Variants in OPCML observed in about 807,000 individuals in gnomAD.
The protein encoded by OPCML is opioid-binding protein/cell adhesion molecule.
OPCML carries 13 observed loss-of-function variants against 37.8 expected under a neutral mutation model. The observed-to-expected ratio is 0.34, with a 90% CI of 0.22 to 0.55. OPCML has a LOEUF of 0.55. OPCML is among the 20% of genes least tolerant of loss of function. OPCML has a pLI of 0.91. For synonymous variants in OPCML, 176 were observed against 168.8 expected, an observed-to-expected ratio of 1.04 and a Z score of -0.33; for missense variants, 341 against 435.6, an observed-to-expected ratio of 0.78 and a Z score of 1.93.
At chr11:132,760,002 T>G (rs1005897323) in intron 2 of OPCML, among the ~76,000 whole-genome samples, 2 of 152,214 alleles carry the variant, frequency 1.3e-5, no homozygotes, top group African/African-American at 4.8e-5. Flanking sequence ...CTTGTGTCTT[T>G]GTTCTCATTG....
chr11:133,413,671 A>G (rs1385872428), intron 1 of OPCML, among the ~76,000 whole-genome samples: 1 of 152,092 alleles, frequency 6.6e-6, no homozygotes, highest in Non-Finnish European at 1.5e-5. Context: ...TTTAGCCTGC[A>G]TGTCTTTCCC....
intron 1 of OPCML, chr11:133,361,617 ACCTG>A (rs1565592917): frequency 1.2e-5 from 2 of 161,868 alleles, no homozygotes; most frequent in African/African-American, 4.9e-5. Context: ...ACTCCGGGGC[ACCTG>A]CAGCTATTCC....
At chr11:132,555,544 G>A (rs1012077399) in intron 3 of OPCML, among the ~76,000 whole-genome samples, 1 of 152,104 alleles carries the variant, frequency 6.6e-6, no homozygotes. Context: ...GATGAGATTT[G>A]GGTGGGGTCA....
At chr11:133,166,181 C>T (rs991535956) in intron 1 of OPCML, among the ~76,000 whole-genome samples, 1 of 152,128 alleles carries the variant, frequency 6.6e-6, no homozygotes, top group South Asian at 2.1e-4. Flanking sequence ...TAAGGAATGA[C>T]CAATGCCTAC....
chr11:132,548,073 A>C (rs1476960232), intron 3 of OPCML, among the ~76,000 whole-genome samples: 4 of 152,198 alleles, frequency 2.6e-5, no homozygotes, highest in Non-Finnish European at 5.9e-5. Context: ...GATTCAAAGC[A>C]AGAGAGTTTA....
intron 1 of OPCML, among the ~76,000 whole-genome samples, chr11:133,282,021 C>A (rs950088597): frequency 1.1e-3 from 154 of 141,228 alleles, no homozygotes; most frequent in East Asian, 4.6e-3. Context: ...ACAACAACAA[C>A]AACAAAAAAA....
At chr11:132,730,310 A>G (rs1945034738) in intron 2 of OPCML, among the ~76,000 whole-genome samples, 1 of 152,200 alleles carries the variant, frequency 6.6e-6, no homozygotes, top group Non-Finnish European at 1.5e-5. Context: ...GACATTCTTT[A>G]AGACCATGGC....
rs371384830 is a variant in OPCML, at chr11:132,436,641, G to A, written c.764+18C>T. ...TCAGCTCTGCTTCAGAACTGTCCAG[G>A]TGTCATTTAAAAGGTACCTGGTTTC... On this transcript the variant is annotated intron_variant, in intron 6 of 7. Transcript: ENST00000524381. The A allele has an allele frequency of 2.0e-5, 33 of 1,613,988 alleles. No homozygotes were observed. In the South Asian group the frequency reaches 3.4e-4, roughly 17 times the overall value.
At chr11:133,140,752 G>T (rs1320998179) in intron 1 of OPCML, among the ~76,000 whole-genome samples, 3 of 96,884 alleles carry the variant, frequency 3.1e-5, no homozygotes, top group African/African-American at 6.3e-5. Context: ...CGACGAGGAA[G>T]AAGAAGACGA....
chr11:133,414,383 C>T (rs960507572), intron 1 of OPCML, among the ~76,000 whole-genome samples: 7 of 152,132 alleles, frequency 4.6e-5, no homozygotes, highest in East Asian at 1.9e-4. Context: ...CTGAGATTTG[C>T]AGAAGTGTGT....
At chr11:133,279,300 T>C (rs1315348998) in intron 1 of OPCML, among the ~76,000 whole-genome samples, 1 of 152,182 alleles carries the variant, frequency 6.6e-6, no homozygotes, top group Non-Finnish European at 1.5e-5. Context: ...AGGTCATTTC[T>C]TTTTCAGGTC....
At chr11:132,500,652 T>C (rs556175585) in intron 4 of OPCML, among the ~76,000 whole-genome samples, 1 of 152,286 alleles carries the variant, frequency 6.6e-6, no homozygotes, top group Non-Finnish European at 1.5e-5. Flanking sequence ...GGTGGTTTGC[T>C]GCACCTATCA....
Position 133,391,948 on chromosome 11 carries a change from T to A in OPCML, c.61+140316A>T, listed in dbSNP as rs543160038. Among the ~76,000 whole-genome samples, 19 of 152,148 alleles carry A rather than the reference T, an allele frequency of 1.2e-4. No individual in the cohort carries two copies. In the South Asian group the frequency reaches 3.9e-3, roughly 32 times the overall value. On this transcript the variant is annotated intron_variant, in intron 1 of 7. Coordinates refer to ENST00000524381, the MANE Select transcript of OPCML (RefSeq NM_001012393.5). ...AAGTTACCCAGATAGAAAAAGAAGC[T>A]AAGAGCAGAATTAAGATAACCCAGT...
chr11:132,810,849 A>C (rs958656484), intron 2 of OPCML: 2 of 152,200 alleles, frequency 1.3e-5, no homozygotes, highest in African/African-American at 4.8e-5. Flanking sequence ...CTGAGTCTTT[A>C]TACCGCCCAT....
chr11:132,556,312 T>C (rs1428746004), intron 3 of OPCML, among the ~76,000 whole-genome samples: 2 of 152,186 alleles, frequency 1.3e-5, no homozygotes, highest in African/African-American at 4.8e-5. Context: ...AGATCATTTA[T>C]AAGAAATAGG....
At chr11:132,593,647 G>T (rs908383096) in intron 3 of OPCML, among the ~76,000 whole-genome samples, 2 of 152,226 alleles carry the variant, frequency 1.3e-5, no homozygotes, top group Admixed American at 6.5e-5. Flanking sequence ...CTAGACATGG[G>T]AGAGAAATGG....
chr11:133,239,371 G>A lies in OPCML; in HGVS notation c.61+292893C>T, dbSNP rs142910451. ...TCCAATACAGACCAGACCTTGCTTGGACCCCTACCATTTTCTGTAGTCTAC... is the reference window on the plus strand; with the variant it reads ...TCCAATACAGACCAGACCTTGCTTGAACCCCTACCATTTTCTGTAGTCTAC... On this transcript the variant is annotated intron_variant, in intron 1 of 7. Transcript: ENST00000524381. Among the ~76,000 whole-genome samples, 1,022 of 152,316 alleles carry A rather than the reference G, an allele frequency of 6.7e-3. 10 individuals carry two copies. The highest frequency in any genetic ancestry group is 0.023 in the African/African-American group (973 of 41,558).
intron 1 of OPCML, among the ~76,000 whole-genome samples, chr11:133,318,456 A>G (rs1268886061): frequency 1.3e-5 from 2 of 151,980 alleles, no homozygotes; most frequent in Non-Finnish European, 2.9e-5. Context: ...GTTTAGTTAG[A>G]ATCGCCATGA....
At chr11:132,878,047 T>A (rs908586666) in intron 2 of OPCML, among the ~76,000 whole-genome samples, 3 of 152,168 alleles carry the variant, frequency 2.0e-5, no homozygotes, top group African/African-American at 7.2e-5. Flanking sequence ...CTGGCTGTGG[T>A]GGCACATGCC....
Sources: allele counts gnomAD v4.1 joint callset (sites outside exome capture counted in the v4.1 genomes callset), GRCh38; gene constraint gnomAD v4.1.1; transcripts MANE v1.5; gene names NCBI Gene and HGNC (gene_info 2026-07-23, HGNC 2026-07-21).